NMNAT3: variants seen among roughly 807,000 people sequenced by gnomAD.
NMNAT3 encodes the protein nicotinamide/nicotinic acid mononucleotide adenylyltransferase 3.
NMNAT3 carries 21 observed loss-of-function variants against 24.8 expected under a neutral mutation model. That is an observed-to-expected ratio of 0.85 (90% confidence interval 0.60 to 1.22). The LOEUF (loss-of-function observed/expected upper bound fraction) is 1.22, where lower values mean the gene tolerates loss of function less well. Ranked by LOEUF, NMNAT3 falls within the 50% of genes most tolerant of loss-of-function variation. The pLI, the probability that NMNAT3 is intolerant of heterozygous loss-of-function variation, is 0.00. For synonymous variants in NMNAT3, 136 were observed against 155.2 expected, an observed-to-expected ratio of 0.88 and a Z score of 0.92; for missense variants, 387 against 436.6, an observed-to-expected ratio of 0.89 and a Z score of 1.01.
At chr3:139,677,429 G>A (rs1185013599) in intron 1 of NMNAT3, among the ~76,000 whole-genome samples, 1 of 152,194 alleles carries the variant, frequency 6.6e-6, no homozygotes, top group Non-Finnish European at 1.5e-5. Context: ...AGTGCTAAAG[G>A]TGGGATCCGA....
In NMNAT3 at chr3:139,622,522, C is replaced by G. The variant is rs1312940109; in HGVS notation, c.109+5094G>C. Among the ~76,000 whole-genome samples, 7 of 151,670 alleles carry G rather than the reference C, an allele frequency of 4.6e-5. No individual in the cohort carries two copies. The East Asian group carries it at 1.4e-3, about 29-fold the overall frequency. On this transcript the variant is annotated intron_variant, in intron 3 of 6. Coordinates refer to ENST00000643695, the MANE Select transcript of NMNAT3 (RefSeq NM_001320510.2). ...GGCCGAGGCAGGCTGACCACAAGGT[C>G]AGGAGTTCAAGACCAGCCTGACCAA...
intron 1 of NMNAT3, among the ~76,000 whole-genome samples, chr3:139,646,125 T>C (rs989933668): frequency 6.6e-6 from 1 of 152,226 alleles, no homozygotes; most frequent in Non-Finnish European, 1.5e-5. Context: ...CAACTTTTCA[T>C]TGAATGCTCT....
At chr3:139,632,533 A>T (rs1309399267) in intron 2 of NMNAT3, among the ~76,000 whole-genome samples, 2 of 152,222 alleles carry the variant, frequency 1.3e-5, no homozygotes, top group Non-Finnish European at 2.9e-5. Context: ...TGGTTTTCAG[A>T]GTCCGTCCAG....
At chr3:139,572,113 T>G (rs970919759) in intron 6 of NMNAT3, 2 of 398,692 alleles carry the variant, frequency 5.0e-6, no homozygotes, top group Non-Finnish European at 8.8e-6. Flanking sequence ...TCACCTCCAT[T>G]CATACCCTGT....
intron 2 of NMNAT3, among the ~76,000 whole-genome samples, chr3:139,630,580 C>G (rs147231329): frequency 6.6e-6 from 1 of 152,140 alleles, no homozygotes; most frequent in South Asian, 2.1e-4. Flanking sequence ...GATTTCAGCT[C>G]GAAGCACAGA....
chr3:139,606,562 ACT>A (rs1312049064), intron 3 of NMNAT3, among the ~76,000 whole-genome samples: 1 of 152,194 alleles, frequency 6.6e-6, no homozygotes, highest in East Asian at 1.9e-4. Context: ...GTAAGAAAAC[ACT>A]TTGAGATTAT....
intron 3 of NMNAT3, among the ~76,000 whole-genome samples, chr3:139,588,915 A>G (rs1043819933): frequency 1.3e-5 from 2 of 152,170 alleles, no homozygotes; most frequent in Admixed American, 6.5e-5. Context: ...ACCTACACAC[A>G]TTTGGGGGTC....
At chr3:139,597,395 C>A (rs1456727606) in intron 3 of NMNAT3, among the ~76,000 whole-genome samples, 1 of 152,048 alleles carries the variant, frequency 6.6e-6, no homozygotes, top group African/African-American at 2.4e-5. Flanking sequence ...AATATATTGT[C>A]TTAGTAATGT....
At chr3:139,609,913 AC>A (rs2055127377) in intron 3 of NMNAT3, 1 of 152,098 alleles carries the variant, frequency 6.6e-6, no homozygotes, top group Admixed American at 6.6e-5. Flanking sequence ...TCCTGCCTAA[AC>A]CTCCAGAGTA....
intron 2 of NMNAT3, among the ~76,000 whole-genome samples, chr3:139,628,671 C>T (rs140777891): frequency 4.6e-5 from 7 of 152,312 alleles, no homozygotes; most frequent in Non-Finnish European, 7.4e-5. Context: ...CTGGCAGACA[C>T]GGCTCTCTTG....
chr3:139,573,693 C>T lies in NMNAT3; in HGVS notation c.576-13G>A. On this transcript the variant is annotated splice_polypyrimidine_tract_variant and intron_variant, in intron 5 of 6. Coordinates refer to ENST00000643695, the MANE Select transcript of NMNAT3 (RefSeq NM_001320510.2). Reference sequence around the variant, plus strand: ...GCTGTGATGATGCCTGTGTTGTAAACATATGGGCTCAGGGTATGTCTGTCC... The same window carrying T: ...GCTGTGATGATGCCTGTGTTGTAAATATATGGGCTCAGGGTATGTCTGTCC... 1 of 1,520,432 alleles carries T rather than the reference C, an allele frequency of 6.6e-7. No homozygotes were observed. 94.2% of individuals were successfully genotyped at this position (1,520,432 alleles called of 1,614,324 possible). A position where few individuals can be genotyped will look rare whatever the true frequency, so the allele number is the denominator to read the frequency against.
intron 3 of NMNAT3, among the ~76,000 whole-genome samples, chr3:139,598,157 C>T (rs929732535): frequency 1.2e-4 from 18 of 152,188 alleles, no homozygotes; most frequent in Non-Finnish European, 2.5e-4. Flanking sequence ...GCCTGGTAGG[C>T]TCACTAGAGG....
rs562083040 is a variant in NMNAT3, at chr3:139,621,437, C to T, written c.109+6179G>A. Among the ~76,000 whole-genome samples the T allele has an allele frequency of 1.1e-4, 17 of 152,316 alleles. No individual in the cohort carries two copies. In the South Asian group the frequency reaches 3.3e-3, roughly 30 times the overall value. On this transcript the variant is annotated intron_variant, in intron 3 of 6. Coordinates refer to ENST00000643695, the MANE Select transcript of NMNAT3 (RefSeq NM_001320510.2). Reference sequence around the variant, plus strand: ...TGTTGCCTGGACTGAAGTGCAGTGACATGATCTCGGCTCACTGCAAGCCAC... The same window carrying T: ...TGTTGCCTGGACTGAAGTGCAGTGATATGATCTCGGCTCACTGCAAGCCAC...
chr3:139,627,535 ATAG>A, intron 3 of NMNAT3, 78 bp downstream of exon 4: 1 of 711,654 alleles, frequency 1.4e-6, no homozygotes, highest in Non-Finnish European at 2.3e-6. Context: ...TGTTTTAATA[ATAG>A]TGATGCCAGC....
chr3:139,655,481 G>A (rs149097761), intron 1 of NMNAT3, among the ~76,000 whole-genome samples: 146 of 152,288 alleles, frequency 9.6e-4, no homozygotes, highest in African/African-American at 3.4e-3. Flanking sequence ...CTCTCTTTGA[G>A]GCCACAGCTA....
At chr3:139,598,167 G>A (rs1326854614) in intron 3 of NMNAT3, among the ~76,000 whole-genome samples, 5 of 152,172 alleles carry the variant, frequency 3.3e-5, no homozygotes, top group Non-Finnish European at 5.9e-5. Context: ...CTCACTAGAG[G>A]AGAGAATTGT....
intron 1 of NMNAT3, among the ~76,000 whole-genome samples, chr3:139,663,033 C>T (rs1318181544): frequency 2.0e-5 from 3 of 152,204 alleles, no homozygotes; most frequent in Admixed American, 6.5e-5. Flanking sequence ...TAAAACAACA[C>T]ACATTTATTA....
chr3:139,588,229 T>C (rs2054020246), intron 3 of NMNAT3, among the ~76,000 whole-genome samples: 1 of 152,148 alleles, frequency 6.6e-6, no homozygotes, highest in Non-Finnish European at 1.5e-5. Flanking sequence ...AGCACCTGTA[T>C]GAAAATGATT....
At chr3:139,584,490 A>G (rs2053843076) in intron 3 of NMNAT3, 1 of 152,268 alleles carries the variant, frequency 6.6e-6, no homozygotes, top group Non-Finnish European at 1.5e-5. Flanking sequence ...TTGCCCTCTA[A>G]ACAATCCCAC....
Sources: allele counts gnomAD v4.1 joint callset (sites outside exome capture counted in the v4.1 genomes callset), GRCh38; gene constraint gnomAD v4.1.1; transcripts MANE v1.5; gene names NCBI Gene and HGNC (gene_info 2026-07-23, HGNC 2026-07-21).